Variants in GPC5 observed in about 807,000 individuals in gnomAD.
GPC5 encodes glypican-5.
Under a neutral mutation model 53.9 loss-of-function variants are expected in GPC5, and 47 were observed. The observed-to-expected ratio is 0.87, with a 90% CI of 0.69 to 1.11. The LOEUF is 1.11. GPC5 is among the 50% of genes most tolerant of loss of function. GPC5 has a pLI of 0.00. For synonymous variants in GPC5, 286 were observed against 263.3 expected, an observed-to-expected ratio of 1.09 and a Z score of -0.84; for missense variants, 748 against 713.1, an observed-to-expected ratio of 1.05 and a Z score of -0.56.
At chr13:91,522,163 A>T (rs2139371237) in intron 2 of GPC5, among the ~76,000 whole-genome samples, 1 of 152,290 alleles carries the variant, frequency 6.6e-6, no homozygotes, top group Admixed American at 6.5e-5. Context: ...TTACTTAGAG[A>T]TGATGTAAAC....
At chr13:92,689,265 A>G (rs1306404466) in intron 7 of GPC5, among the ~76,000 whole-genome samples, 1 of 59,048 alleles carries the variant, frequency 1.7e-5, no homozygotes, top group Admixed American at 2.5e-4. Context: ...TTGGGTGCAT[A>G]AATATTTAGG....
chr13:92,052,015 TGA>T (rs2041033786), intron 6 of GPC5, among the ~76,000 whole-genome samples: 1 of 152,064 alleles, frequency 6.6e-6, no homozygotes, highest in African/African-American at 2.4e-5. Context: ...TCCCTGAGGG[TGA>T]GAGACACAGA....
intron 2 of GPC5, among the ~76,000 whole-genome samples, chr13:91,526,286 C>A (rs9523351): frequency 0.5 from 76,209 of 151,970 alleles, 23,265 homozygotes; most frequent in East Asian, 0.7. Flanking sequence ...GAGAAATACA[C>A]TATGCTAGAT....
At chr13:92,168,933 A>T (rs2042050173) in intron 7 of GPC5, among the ~76,000 whole-genome samples, 1 of 152,084 alleles carries the variant, frequency 6.6e-6, no homozygotes, top group Non-Finnish European at 1.5e-5. Flanking sequence ...GAATCAACCC[A>T]CCCCAACAGT....
intron 3 of GPC5, among the ~76,000 whole-genome samples, chr13:91,722,159 AAG>A (rs1388811979): frequency 1.3e-5 from 2 of 151,876 alleles, no homozygotes; most frequent in Non-Finnish European, 3.0e-5. Context: ...AGGAAAGAAA[AAG>A]AGAGAAAGAG....
chr13:92,353,266 C>CAAA (rs563794696), intron 7 of GPC5, among the ~76,000 whole-genome samples: 7 of 66,906 alleles, frequency 1.0e-4, no homozygotes, highest in Admixed American at 3.4e-4. Flanking sequence ...GACTCCGTCT[C>CAAA]AAAAAAAAAA....
intron 3 of GPC5, 60 bp from the exon 4 acceptor site, chr13:91,728,472 A>G: frequency 6.5e-7 from 1 of 1,534,424 alleles, no homozygotes; most frequent in Admixed American, 1.9e-5. Context: ...ATGAAACATC[A>G]CATTCTCAGA....
intron 2 of GPC5, among the ~76,000 whole-genome samples, chr13:91,626,891 T>G (rs1039437803): frequency 6.6e-6 from 1 of 151,930 alleles, no homozygotes; most frequent in Admixed American, 6.6e-5. Context: ...CATTGTTAAA[T>G]TCCTACCTAT....
At chr13:91,848,683 A>G (rs955496020) in intron 5 of GPC5, among the ~76,000 whole-genome samples, 3 of 152,202 alleles carry the variant, frequency 2.0e-5, no homozygotes, top group African/African-American at 7.2e-5. Flanking sequence ...GGGAAATACG[A>G]TATTTGAATT....
intron 7 of GPC5, among the ~76,000 whole-genome samples, chr13:92,308,333 A>G (rs1448236818): frequency 2.0e-5 from 3 of 152,174 alleles, no homozygotes; most frequent in Admixed American, 2.0e-4. Flanking sequence ...TCTTATTATA[A>G]TCAAGAAAGA....
intron 3 of GPC5, among the ~76,000 whole-genome samples, chr13:91,726,772 C>T (rs557219106): frequency 6.1e-4 from 93 of 152,308 alleles, no homozygotes; most frequent in African/African-American, 2.1e-3. Flanking sequence ...CTGGCCTTGA[C>T]ATTTTCCATG....
intron 2 of GPC5, among the ~76,000 whole-genome samples, chr13:91,488,276 A>G (rs940858614): frequency 1.3e-5 from 2 of 152,140 alleles, no homozygotes; most frequent in African/African-American, 2.4e-5. Context: ...AGACTGTACT[A>G]TGCTTGATTT....
chr13:92,112,991 A>G (rs1037959322), intron 6 of GPC5, among the ~76,000 whole-genome samples: 1 of 152,250 alleles, frequency 6.6e-6, no homozygotes, highest in East Asian at 1.9e-4. Context: ...GTTTATTACC[A>G]TCATTTTGTG....
chr13:91,924,199 C>G (rs2039744543), intron 6 of GPC5, among the ~76,000 whole-genome samples: 1 of 152,092 alleles, frequency 6.6e-6, no homozygotes, highest in Non-Finnish European at 1.5e-5. Context: ...AAACATACCA[C>G]AAACATATCA....
chr13:92,205,913 A>G (rs760751769), intron 7 of GPC5, among the ~76,000 whole-genome samples: 2 of 151,764 alleles, frequency 1.3e-5, no homozygotes, highest in Non-Finnish European at 2.9e-5. Flanking sequence ...GTGATGGCAC[A>G]TGCCTGTAAC....
At chr13:92,214,429 G>A (rs1432914111) in intron 7 of GPC5, among the ~76,000 whole-genome samples, 2 of 152,128 alleles carry the variant, frequency 1.3e-5, no homozygotes, top group Non-Finnish European at 2.9e-5. Flanking sequence ...TTTCACCCTT[G>A]TGAACACTAA....
In GPC5 at chr13:91,448,942, T is replaced by C; in HGVS notation, c.325+20T>C. 6.2e-7 allele frequency: 1 copy of C among 1,609,864 alleles called. No individual in the cohort carries two copies. The highest frequency in any genetic ancestry group is 1.1e-5 in the South Asian group (1 of 90,552). On this transcript the variant is annotated intron_variant, in intron 2 of 7. Transcript: ENST00000377067. ...TTCAAGGTAAGTGGATCTTGAATTCTGCAACTAAGGACTGGCCGTGTTATG... is the reference window on the plus strand; with the variant it reads ...TTCAAGGTAAGTGGATCTTGAATTCCGCAACTAAGGACTGGCCGTGTTATG...
At chr13:92,787,253 G>T (rs1876272378) in intron 7 of GPC5, among the ~76,000 whole-genome samples, 4 of 151,928 alleles carry the variant, frequency 2.6e-5, no homozygotes, top group Admixed American at 2.6e-4. Flanking sequence ...AGATGATAGA[G>T]GAATTGGAGA....
At chr13:92,630,340 T>C (rs1885194359) in intron 7 of GPC5, among the ~76,000 whole-genome samples, 1 of 152,084 alleles carries the variant, frequency 6.6e-6, no homozygotes, top group South Asian at 2.1e-4. Context: ...TAATTGCAAG[T>C]TTGTTTCCTA....
Sources: allele counts gnomAD v4.1 joint callset (sites outside exome capture counted in the v4.1 genomes callset), GRCh38; gene constraint gnomAD v4.1.1; transcripts MANE v1.5; gene names NCBI Gene and HGNC (gene_info 2026-07-23, HGNC 2026-07-21).